DNAI4: variants seen among roughly 807,000 people sequenced by gnomAD.
The protein encoded by DNAI4 is dynein axonemal intermediate chain 4, also known as WD repeat domain 78.
A neutral mutation model predicts 105.8 loss-of-function variants in DNAI4; 85 were observed. The observed-to-expected ratio is 0.80, with a 90% CI of 0.67 to 0.96. The LOEUF is 0.96. Ranked by LOEUF, DNAI4 falls within the 40% of genes least tolerant of loss-of-function variation. DNAI4 has a pLI of 0.00. For missense variants in DNAI4, 1,014 were observed against 1,005.6 expected (o/e 1.01, Z -0.11); for synonymous variants, 352 against 331.5 (o/e 1.06, Z -0.67).
At chr1:66,912,916 C>T (rs933424534) in intron 1 of DNAI4, among the ~76,000 whole-genome samples, 4 of 152,110 alleles carry the variant, frequency 2.6e-5, no homozygotes, top group Non-Finnish European at 4.4e-5. Flanking sequence ...TTCAGAGAAT[C>T]CCTGATCTCC....
intron 11 of DNAI4, 140 bp downstream of exon 11, chr1:66,835,486 T>G: frequency 1.1e-6 from 1 of 870,374 alleles, no homozygotes; most frequent in Non-Finnish European, 1.7e-6. Flanking sequence ...AGAGACAATA[T>G]GAGGGATTAT....
At chr1:66,891,583 T>C (rs1647651523) in intron 3 of DNAI4, among the ~76,000 whole-genome samples, 1 of 152,232 alleles carries the variant, frequency 6.6e-6, no homozygotes, top group Non-Finnish European at 1.5e-5. Context: ...TGCCTCAGCC[T>C]CCTGAGTGGC....
At chr1:66,873,592 G>T (rs1451193846) in intron 5 of DNAI4, among the ~76,000 whole-genome samples, 1 of 152,130 alleles carries the variant, frequency 6.6e-6, no homozygotes, top group Non-Finnish European at 1.5e-5. Context: ...GGTATGCTTT[G>T]CTCCAGAGAT....
At chr1:66,833,385 T>C (rs1645909491) in intron 13 of DNAI4, among the ~76,000 whole-genome samples, 200 bp downstream of exon 13, 2 of 152,100 alleles carry the variant, frequency 1.3e-5, no homozygotes, top group South Asian at 4.1e-4. Context: ...AGTAAGTCAT[T>C]CCCTATTTTT....
chr1:66,854,672 T>C (rs1178383489), intron 7 of DNAI4, among the ~76,000 whole-genome samples: 1 of 151,820 alleles, frequency 6.6e-6, no homozygotes, highest in South Asian at 2.1e-4. Context: ...CTTGGTGGTG[T>C]GCACCTGTAA....
intron 3 of DNAI4, among the ~76,000 whole-genome samples, chr1:66,891,492 C>T (rs1317950497): frequency 6.6e-6 from 1 of 152,058 alleles, no homozygotes; most frequent in Non-Finnish European, 1.5e-5. Context: ...AATGGAGTCT[C>T]GCTCTGTCAC....
chr1:66,921,929 C>T (rs1477360249), intron 1 of DNAI4, among the ~76,000 whole-genome samples: 2 of 145,592 alleles, frequency 1.4e-5, no homozygotes, highest in Non-Finnish European at 3.0e-5. Flanking sequence ...TGGAATCTCA[C>T]TCTGTCGACC....
chr1:66,837,738 G>A lies in DNAI4; in HGVS notation c.1553C>T (p.Ala518Val), dbSNP rs755119989. 6.2e-7 allele frequency: 1 copy of A among 1,610,098 alleles called. No individual in the cohort carries two copies. Among genetic ancestry groups the A allele is most frequent in the East Asian group, 2.2e-5 (1 of 44,630 alleles). The change falls in exon 10 of 17, where the codon GCT becomes GTT. Residue 518 changes from alanine (A) to valine (V), a missense_variant. Transcript: ENST00000371026. ...FGFKEQKRGLACCWSIKNPMW... is the reference protein window; with the variant it reads ...FGFKEQKRGLVCCWSIKNPMW... ...GGGATTCTTTATTGACCAGCAGCAA[G>A]CCAGTCCTCTTTTTTGCTCTTTAAA...
chr1:66,908,458 C>A (rs1649417924), intron 1 of DNAI4, among the ~76,000 whole-genome samples: 1 of 152,196 alleles, frequency 6.6e-6, no homozygotes, highest in Non-Finnish European at 1.5e-5. Context: ...AGCTCCTGTG[C>A]CCCAGAACCT....
At chr1:66,881,537 T>C (rs1411431751) in intron 4 of DNAI4, among the ~76,000 whole-genome samples, 1 of 152,246 alleles carries the variant, frequency 6.6e-6, no homozygotes, top group African/African-American at 2.4e-5. Flanking sequence ...ATGGGGCCTG[T>C]AGCCCCTTTG....
intron 6 of DNAI4, among the ~76,000 whole-genome samples, chr1:66,865,963 T>C (rs1207104999): frequency 6.6e-6 from 1 of 152,124 alleles, no homozygotes; most frequent in Non-Finnish European, 1.5e-5. Context: ...TTCAAATAAT[T>C]GAGCTTCAGC....
Position 66,893,336 on chromosome 1 carries a change from T to C in DNAI4, c.423A>G (p.Pro141=), listed in dbSNP as rs1648023970. The change falls in exon 3 of 17, where the codon CCA becomes CCG. Residue 141 remains proline, a synonymous_variant. Coordinates refer to ENST00000371026, the MANE Select transcript of DNAI4 (RefSeq NM_024763.5). ...CTTCTTGTGATGTCAAGAGTTTACT[T>C]GGTTTTGCTGTACCAGTAAGTGGAT... ...HPDPLTGTAK[P]SKLLTSQEGS... 6.2e-7 allele frequency: 1 copy of C among 1,610,474 alleles called. No homozygotes were observed. The highest frequency in any genetic ancestry group is 2.2e-5 in the East Asian group (1 of 44,548).
rs994652435 is a variant in DNAI4, at chr1:66,905,518, T to C, written c.171-143A>G. On this transcript the variant is annotated intron_variant, in intron 1 of 16. Coordinates refer to ENST00000371026, the MANE Select transcript of DNAI4 (RefSeq NM_024763.5). ...AAATAATGATAACTATTTGAAATCT[T>C]ATTATGTATAAACATAGTTCTAAAG... The C allele has an allele frequency of 1.2e-5, 6 of 506,536 alleles. No individual in the cohort carries two copies. The East Asian group carries it at 2.0e-4, about 17-fold the overall frequency. The allele number at this position is 506,536 out of a possible 1,614,324, so 31.4% of individuals were successfully genotyped here.
At chr1:66,908,639 T>G (rs1220881914) in intron 1 of DNAI4, among the ~76,000 whole-genome samples, 3 of 152,198 alleles carry the variant, frequency 2.0e-5, no homozygotes, top group Non-Finnish European at 4.4e-5. Flanking sequence ...ATACCCTAAA[T>G]TTTGCAATAA....
At position 66,827,852 on chromosome 1, in the gene DNAI4, G is replaced by T. The variant is rs1645787760; in HGVS notation, c.2072C>A (p.Ser691Ter). 6.2e-7 allele frequency: 1 copy of T among 1,606,746 alleles called. No individual in the cohort carries two copies. The highest frequency in any genetic ancestry group is 1.1e-5 in the South Asian group (1 of 89,662). The change falls in exon 14 of 17, where the codon TCA becomes TAA. Residue 691 changes from serine to a stop codon, truncating the protein, a stop_gained. Transcript: ENST00000371026. LOFTEE classifies it high-confidence loss of function. ...EEGHIHKCSCSYNEQYLDTYR... is the reference protein window; with the variant it reads ...EEGHIHKCSC The stretch of plus-strand genomic sequence containing the variant: ...GGTATCTAAGTATTGTTCATTATAT[G>T]AACAAGAACATTTGTGAATATGACC...
intron 6 of DNAI4, 76 bp from the exon 7 acceptor site, chr1:66,862,378 C>A: frequency 7.0e-7 from 1 of 1,436,392 alleles, no homozygotes; most frequent in Non-Finnish European, 9.5e-7. Flanking sequence ...TAACTAGTCA[C>A]AGAAAAAGCT....
intron 7 of DNAI4, among the ~76,000 whole-genome samples, chr1:66,854,694 C>T (rs1395384911): frequency 1.3e-5 from 2 of 152,042 alleles, no homozygotes; most frequent in South Asian, 2.1e-4. Context: ...CCCAGCTATT[C>T]GGGAGCTGAG....
At chr1:66,827,979 A>C (rs1450943331) in intron 13 of DNAI4, 69 bp from the exon 14 acceptor site, 4 of 959,588 alleles carry the variant, frequency 4.2e-6, no homozygotes, top group East Asian at 2.6e-5. Flanking sequence ...AGAAGATTAG[A>C]TATTTCTGGA....
At chr1:66,845,810 A>G (rs1163185835) in intron 8 of DNAI4, among the ~76,000 whole-genome samples, 1 of 149,172 alleles carries the variant, frequency 6.7e-6, no homozygotes, top group Non-Finnish European at 1.5e-5. Context: ...AGGGAAAGTT[A>G]ATCTATATTG....
Sources: allele counts gnomAD v4.1 joint callset (sites outside exome capture counted in the v4.1 genomes callset), GRCh38; gene constraint gnomAD v4.1.1; transcripts MANE v1.5; gene names NCBI Gene and HGNC (gene_info 2026-07-23, HGNC 2026-07-21).